Variants in PRKCSH observed in about 807,000 individuals in gnomAD.
PRKCSH encodes PRKCSH beta subunit of glucosidase II.
Under a neutral mutation model 79.7 loss-of-function variants are expected in PRKCSH, and 42 were observed. The observed-to-expected ratio is 0.53, with a 90% CI of 0.41 to 0.68. PRKCSH has a LOEUF of 0.68. Ranked by LOEUF, PRKCSH falls within the 30% of genes least tolerant of loss-of-function variation. PRKCSH has a pLI of 0.00. For missense variants in PRKCSH, 686 were observed against 709.0 expected, an observed-to-expected ratio of 0.97 and a Z score of 0.37; for synonymous variants, 325 against 288.2, an observed-to-expected ratio of 1.13 and a Z score of -1.29.
chr19:11,443,254 A>AC (rs1207504588), intron 7 of PRKCSH, among the ~76,000 whole-genome samples: 21 of 151,484 alleles, frequency 1.4e-4, no homozygotes, highest in Non-Finnish European at 7.4e-5. Context: ...CTCTACTAAA[A>AC]GAAAAAATTA....
In PRKCSH at chr19:11,436,088, C is replaced by A. The variant is rs754091350; in HGVS notation, c.-30C>A. 6 of 1,605,850 alleles carry A rather than the reference C, an allele frequency of 3.7e-6. No individual in the cohort carries two copies. The African/African-American group carries it at 6.7e-5, about 18-fold the overall frequency. ...CCGCTGTAGGCTTCCTCCCACAGAA[C>A]CCGTTTCGGGCCTCAGAGCGTCTGG... is the stretch of plus-strand genomic sequence containing the variant. On this transcript the variant is annotated 5_prime_UTR_variant, in exon 2 of 18. Transcript: ENST00000677123.
chr19:11,445,232 A>G (rs1421256662), intron 7 of PRKCSH, among the ~76,000 whole-genome samples, 157 bp from the exon 8 acceptor site: 1 of 152,140 alleles, frequency 6.6e-6, no homozygotes, highest in Admixed American at 6.5e-5. Flanking sequence ...TCCCCTGGTA[A>G]GGGCAGGGAC....
intron 7 of PRKCSH, among the ~76,000 whole-genome samples, chr19:11,444,602 G>A (rs1217420895): frequency 2.0e-5 from 3 of 152,310 alleles, no homozygotes; most frequent in South Asian, 4.2e-4. Flanking sequence ...TATACAGTGG[G>A]AACTGAATCC....
chr19:11,441,969 A>G (rs1006280116), intron 6 of PRKCSH, among the ~76,000 whole-genome samples: 1 of 152,208 alleles, frequency 6.6e-6, no homozygotes, highest in African/African-American at 2.4e-5. Flanking sequence ...GGAGGCAAGG[A>G]AGGCTTCTTG....
Position 11,448,950 on chromosome 19 carries a change from G to A in PRKCSH, c.1323G>A (p.Ser441=), listed in dbSNP as rs759312166. Residue 441 remains serine (S), a synonymous_variant, in exon 15 of 18, where the codon TCG becomes TCA. Transcript: ENST00000677123. This position sits in a 1 kb window ranked among gnomAD's most constrained non-coding sequence, Gnocchi z 4.4. ...VYRLCPFKLV[S]QKPKLGGSPT... Reference sequence around the variant, plus strand: ...GCCTCTGCCCCTTCAAGCTTGTCTCGCAGAAACCCAAACTCGGGGGCTCTC... The same window carrying A: ...GCCTCTGCCCCTTCAAGCTTGTCTCACAGAAACCCAAACTCGGGGGCTCTC... 2.8e-5 allele frequency: 45 copies of A among 1,613,976 alleles called. No homozygotes were observed. The highest frequency in any genetic ancestry group is 1.1e-4 in the African/African-American group (8 of 74,914).
rs373431632 is a variant in PRKCSH, at chr19:11,446,278, G to C, written c.690G>C (p.Ser230=). Residue 230 remains serine, a synonymous_variant, in exon 9 of 18, where the codon TCG becomes TCC. Coordinates refer to ENST00000677123, the MANE Select transcript of PRKCSH (RefSeq NM_001289104.2). ...ELDDDMDGTV[S]VTELQTHPEL... is the part of the protein sequence containing the mutation. Reference sequence around the variant, plus strand: ...TTCTGCCACGCCCCCGCAGGGTCTCGGTGACTGAGCTGCAGACTCACCCGG... The same window carrying C: ...TTCTGCCACGCCCCCGCAGGGTCTCCGTGACTGAGCTGCAGACTCACCCGG... 1.1e-5 allele frequency: 17 copies of C among 1,613,570 alleles called. No homozygotes were observed. The South Asian group carries it at 1.8e-4, about 17-fold the overall frequency.
At chr19:11,450,340 G>A (rs1490829992) in intron 17 of PRKCSH, 2 of 151,538 alleles carry the variant, frequency 1.3e-5, no homozygotes, top group Admixed American at 1.3e-4. Context: ...AGCTGGGTGT[G>A]GTGGTAGGTG....
At position 11,447,324 on chromosome 19, in the gene PRKCSH, G is replaced by A; in HGVS notation, c.850-115G>A. The A allele has an allele frequency of 7.4e-7, 1 of 1,353,888 alleles. No homozygotes were observed. Among genetic ancestry groups the A allele is most frequent in the Non-Finnish European group, 1.0e-6 (1 of 971,614 alleles). The allele number at this position is 1,353,888 out of a possible 1,614,324, so 83.9% of individuals were successfully genotyped here. ...CCGACCCCAGCTGTCGGTCCTCCCT[G>A]CAGGCCCCGCAGGAGGGGCAGAGAC... On this transcript the variant is annotated intron_variant, in intron 10 of 17. Transcript: ENST00000677123. The surrounding 1 kb of genome is among the most constrained non-coding windows in gnomAD (Gnocchi z 5.6).
chr19:11,437,558 G>A (rs1389499238), intron 3 of PRKCSH, among the ~76,000 whole-genome samples: 1 of 148,084 alleles, frequency 6.8e-6, no homozygotes, highest in Non-Finnish European at 1.5e-5. Context: ...TCATCGTGTT[G>A]GCCAGGCTGG....
At position 11,436,210 on chromosome 19, in the gene PRKCSH, T is replaced by TTCACCCTCCCGC. The variant is rs1237610516; in HGVS notation, c.79+15_79+26dup. On this transcript the variant is annotated intron_variant, in intron 2 of 17. Coordinates refer to ENST00000677123, the MANE Select transcript of PRKCSH (RefSeq NM_001289104.2). ...TCTCCCTCACCAGTGAGTCCTCCTG[T>TTCACCCTCCCGC]TCACCCTCCCGCCAGGCTGGAGGTG... is the stretch of plus-strand genomic sequence containing the variant. The TTCACCCTCCCGC allele has an allele frequency of 6.3e-7, 1 of 1,585,544 alleles. No homozygotes were observed. Among genetic ancestry groups the TTCACCCTCCCGC allele is most frequent in the Non-Finnish European group, 8.6e-7 (1 of 1,164,552 alleles).
At chr19:11,445,556 C>T (rs1970257164) in intron 8 of PRKCSH, 83 bp downstream of exon 8, 2 of 1,374,130 alleles carry the variant, frequency 1.5e-6, no homozygotes, top group Non-Finnish European at 2.0e-6. Context: ...AGAAACCAGC[C>T]AGATCCTCCT....
At chr19:11,442,623 C>T in intron 7 of PRKCSH, 108 bp downstream of exon 7, 1 of 1,497,076 alleles carries the variant, frequency 6.7e-7, no homozygotes, top group Non-Finnish European at 9.1e-7. Context: ...GGTTTTTGAT[C>T]ATGCTGCCCA....
chr19:11,448,363 TG>T lies in PRKCSH; in HGVS notation c.1196+76del. 6.5e-7 allele frequency: 1 copy of T among 1,537,294 alleles called. No individual in the cohort carries two copies. Among genetic ancestry groups the T allele is most frequent in the South Asian group, 1.2e-5 (1 of 84,338 alleles). On this transcript the variant is annotated intron_variant, in intron 13 of 17. Transcript: ENST00000677123. The surrounding 1 kb of genome is among the most constrained non-coding windows in gnomAD (Gnocchi z 4.4). ...CCTTGACTCCCAGGGGAGCTGGTGA[TG>T]GGGAATCACTGAGGCAACCACAGGC...
intron 3 of PRKCSH, among the ~76,000 whole-genome samples, chr19:11,437,351 T>C (rs1031527525): frequency 1.4e-5 from 2 of 145,226 alleles, no homozygotes; most frequent in Non-Finnish European, 3.0e-5. Context: ...TTTTGTTTTG[T>C]TTTTAATTTT....
At chr19:11,444,387 A>G (rs971445391) in intron 7 of PRKCSH, among the ~76,000 whole-genome samples, 7 of 152,106 alleles carry the variant, frequency 4.6e-5, no homozygotes, top group Non-Finnish European at 8.8e-5. Context: ...GCCCCAGGCT[A>G]CACCTCTCAC....
At chr19:11,435,804 C>T in intron 1 of PRKCSH, 98 bp downstream of exon 1, 2 of 1,415,998 alleles carry the variant, frequency 1.4e-6, no homozygotes, top group Non-Finnish European at 1.9e-6. Context: ...CTGTTAATCC[C>T]TTTGGTCTGT....
intron 5 of PRKCSH, among the ~76,000 whole-genome samples, chr19:11,439,836 G>T (rs1057217196): frequency 6.6e-6 from 1 of 151,448 alleles, no homozygotes; most frequent in Non-Finnish European, 1.5e-5. Context: ...GGCCAGGCTG[G>T]TCTCGAACTC....
chr19:11,442,428 G>T lies in PRKCSH; in HGVS notation c.511G>T (p.Asp171Tyr). 6.2e-7 allele frequency: 1 copy of T among 1,611,262 alleles called. No homozygotes were observed. The highest frequency in any genetic ancestry group is 1.1e-5 in the South Asian group (1 of 90,640). ...ELQAGKKSLE[D>Y]QVEMLRTVKE... Reference sequence around the variant, plus strand: ...ACAGGCTGGGAAGAAGTCTCTGGAAGACCAGGTGGAGATGCTGCGGACAGT... The same window carrying T: ...ACAGGCTGGGAAGAAGTCTCTGGAATACCAGGTGGAGATGCTGCGGACAGT... Residue 171 changes from aspartate to tyrosine, a missense_variant, in exon 7 of 18, where the codon GAC (aspartate) becomes TAC (tyrosine). Transcript: ENST00000677123.
At chr19:11,445,613 A>C (rs1599500556) in intron 8 of PRKCSH, 140 bp downstream of exon 8, 1 of 826,554 alleles carries the variant, frequency 1.2e-6, no homozygotes. Context: ...GCCCCGTGTG[A>C]CCCCGCCTCT....
Sources: allele counts gnomAD v4.1 joint callset (sites outside exome capture counted in the v4.1 genomes callset), GRCh38; gene constraint gnomAD v4.1.1; non-coding constraint Gnocchi (gnomAD v3.1); transcripts MANE v1.5; gene names NCBI Gene and HGNC (gene_info 2026-07-23, HGNC 2026-07-21).